The following ACAD10 variants were observed in gnomAD, a reference collection of about 807,000 sequenced individuals.
ACAD10 encodes the protein ACAD-10.
In ACAD10, 112 loss-of-function variants were observed where a neutral mutation model predicts 116.8. That is an observed-to-expected ratio of 0.96 (90% CI 0.82 to 1.12). The LOEUF (loss-of-function observed/expected upper bound fraction) is 1.12, where lower values mean the gene tolerates loss of function less well. Among genes scored for constraint, ACAD10 ranks in the 50% most tolerant of loss-of-function variants. The pLI is 0.00. For missense variants in ACAD10, 1,259 were observed against 1,350.2 expected (o/e 0.93, Z 1.06); for synonymous variants, 486 against 510.6 (o/e 0.95, Z 0.65).
chr12:111,715,931 C>G lies in ACAD10; in HGVS notation c.961C>G (p.Pro321Ala), dbSNP rs935057776. ...GAAGAAGCCCCCAGGGACACTCCTT[C>G]CATCTGCCCATGCCATAGAGAGGGA... ...LRKKPPGTLL[P>A]SAHAIEREFR... Residue 321 changes from proline (P) to alanine (A), a missense_variant, in exon 7 of 21, where the codon CCA (proline) becomes GCA (alanine). Pro to Ala is a conservative substitution (Grantham distance 27). Transcript: ENST00000313698. 1 of 1,614,086 alleles carries G rather than the reference C, an allele frequency of 6.2e-7. No individual in the cohort carries two copies. The highest frequency in any genetic ancestry group is 1.3e-5 in the African/African-American group (1 of 75,042).
At chr12:111,734,646 A>G (rs2135979510) in intron 11 of ACAD10, among the ~76,000 whole-genome samples, 1 of 152,234 alleles carries the variant, frequency 6.6e-6, no homozygotes, top group East Asian at 1.9e-4. Context: ...AACAAACCAC[A>G]TTTATTGTGA....
At chr12:111,748,904 C>T in intron 17 of ACAD10, 1 of 1,126,508 alleles carries the variant, frequency 8.9e-7, no homozygotes, top group East Asian at 2.9e-5. Context: ...TTGTCACAAA[C>T]CACTAGGAGC....
chr12:111,749,720 C>A, intron 18 of ACAD10: 1 of 169,548 alleles, frequency 5.9e-6, no homozygotes, highest in Non-Finnish European at 1.2e-5. Flanking sequence ...TGAAGCCAAG[C>A]ATTTGAGACC....
chr12:111,742,020 G>T (rs1204533050), intron 12 of ACAD10, among the ~76,000 whole-genome samples: 1 of 152,182 alleles, frequency 6.6e-6, no homozygotes, highest in African/African-American at 2.4e-5. Context: ...ATAAGTGGGT[G>T]CAGAAATTAG....
chr12:111,686,897 G>A (rs1593007060), intron 1 of ACAD10, among the ~76,000 whole-genome samples: 1 of 152,184 alleles, frequency 6.6e-6, no homozygotes, highest in East Asian at 1.9e-4. Context: ...CTATGAGGTT[G>A]ACCTACATCA....
At chr12:111,749,089 A>T in intron 17 of ACAD10, 84 bp from the exon 18 acceptor site, 1 of 1,613,662 alleles carries the variant, frequency 6.2e-7, no homozygotes, top group Non-Finnish European at 8.5e-7. Flanking sequence ...TTGCCAGCAG[A>T]TAACCCAGAC....
Position 111,756,464 on chromosome 12 carries a change from C to G in ACAD10, c.3171C>G (p.His1057Gln), listed in dbSNP as rs1350480764. The change falls in exon 21 of 21, where the codon CAC becomes CAG. Residue 1057 changes from histidine (H) to glutamine (Q), a missense_variant. Coordinates refer to ENST00000313698, the MANE Select transcript of ACAD10 (RefSeq NM_025247.6). ...CGGTGGCCAAGCTAGAGCTGAAGCA[C>G]CGCATTTAGAGCCTTGGGGCTGCAG... ...RATVAKLELK[H>Q]RI 1 of 1,612,532 alleles carries G rather than the reference C, an allele frequency of 6.2e-7. No individual in the cohort carries two copies. The highest frequency in any genetic ancestry group is 1.1e-5 in the South Asian group (1 of 90,946).
intron 8 of ACAD10, among the ~76,000 whole-genome samples, chr12:111,724,594 G>C (rs1219173795): frequency 1.3e-5 from 2 of 152,212 alleles, no homozygotes; most frequent in Admixed American, 1.3e-4. Flanking sequence ...CTCGCGGTTA[G>C]GGGCTGGAGA....
rs75857769 is a variant in ACAD10, at chr12:111,731,122, T to C, written c.1394+1166T>C. ...ACATTTCTTTGCCTTCCAAATTTGA[T>C]TGGCCTCTCTTCATTGGCTTGACCG... On this transcript the variant is annotated intron_variant, in intron 10 of 20. Transcript: ENST00000313698. 5.0e-3 allele frequency among the ~76,000 whole-genome samples: 761 copies of C among 152,320 alleles called. 2 individuals carry two copies. Among genetic ancestry groups the C allele is most frequent in the Admixed American group, 8.4e-3 (128 of 15,300 alleles).
chr12:111,704,464 A>G (rs1443414583), intron 3 of ACAD10, among the ~76,000 whole-genome samples: 1 of 151,786 alleles, frequency 6.6e-6, no homozygotes, highest in Non-Finnish European at 1.5e-5. Flanking sequence ...AGTAATGAAA[A>G]TGTCCTAAAA....
At chr12:111,740,798 A>AAAAAG (rs1566164511) in intron 12 of ACAD10, among the ~76,000 whole-genome samples, 44 of 151,114 alleles carry the variant, frequency 2.9e-4, no homozygotes, top group Non-Finnish European at 3.7e-4. Flanking sequence ...AAAAAAAAAA[A>AAAAAG]AAAAGAAAAG....
chr12:111,745,045 T>A lies in ACAD10; in HGVS notation c.2115+2T>A. ...TCCCCACTGATCGAAGACCTCAAGG[T>A]AAAGCAGCCATGGTGAGGTGGTAAG... On this transcript the variant is annotated splice_donor_variant, in intron 13 of 20. Transcript: ENST00000313698. LOFTEE classifies it high-confidence loss of function. 6.2e-7 allele frequency: 1 copy of A among 1,610,424 alleles called. No homozygotes were observed.
At chr12:111,712,358 A>G (rs945981315) in intron 5 of ACAD10, 140 bp from the exon 6 acceptor site, 11 of 758,578 alleles carry the variant, frequency 1.5e-5, no homozygotes, top group Non-Finnish European at 2.2e-5. Context: ...CACCTGTTCA[A>G]TATATATTCT....
At chr12:111,695,960 G>A (rs892864486) in intron 2 of ACAD10, among the ~76,000 whole-genome samples, 3 of 150,914 alleles carry the variant, frequency 2.0e-5, no homozygotes, top group Admixed American at 2.0e-4. Context: ...GTTGCAGTGA[G>A]CTGAGATCAT....
In ACAD10 at chr12:111,746,188, A is replaced by G; in HGVS notation, c.2160A>G (p.Leu720=). The change falls in exon 14 of 21, where the codon TTA becomes TTG. Residue 720 remains leucine (L), a synonymous_variant. Coordinates refer to ENST00000313698, the MANE Select transcript of ACAD10 (RefSeq NM_025247.6). ...GACTTTGGAACCTTTTCCTACCCTT[A>G]GAGGCTGATCCCGAGAAAAAATACG... ...AEGLWNLFLP[L]EADPEKKYGA... is the part of the protein sequence containing the mutation. The G allele has an allele frequency of 6.2e-7, 1 of 1,614,066 alleles. No homozygotes were observed. The highest frequency in any genetic ancestry group is 8.5e-7 in the Non-Finnish European group (1 of 1,180,018).
chr12:111,711,802 G>A (rs965606706), intron 5 of ACAD10, among the ~76,000 whole-genome samples: 3 of 152,052 alleles, frequency 2.0e-5, no homozygotes, highest in South Asian at 2.1e-4. Flanking sequence ...GTGAGCCACC[G>A]CGCCCAGCTA....
chr12:111,720,060 C>T (rs76395881), intron 7 of ACAD10, among the ~76,000 whole-genome samples: 2,371 of 152,118 alleles, frequency 0.016, 70 homozygotes, highest in African/African-American at 0.054. Flanking sequence ...AATGGGGTTT[C>T]GCCGTATTGG....
At chr12:111,707,261 G>C (rs1888539813) in intron 4 of ACAD10, among the ~76,000 whole-genome samples, 2 of 150,436 alleles carry the variant, frequency 1.3e-5, no homozygotes, top group Non-Finnish European at 2.9e-5. Context: ...GCTAGTTTTT[G>C]TGTTTTTTAT....
intron 11 of ACAD10, among the ~76,000 whole-genome samples, chr12:111,735,941 G>A (rs767002873): frequency 1.3e-4 from 20 of 151,870 alleles, no homozygotes; most frequent in Non-Finnish European, 2.9e-4. Context: ...CCACAGTGGC[G>A]CAATCTCGGC....
Sources: gnomAD v4.1 joint callset for allele counts (sites outside exome capture counted in the v4.1 genomes callset) on GRCh38, gnomAD v4.1.1 for gene constraint, MANE v1.5 for transcripts, NCBI Gene and HGNC (gene_info 2026-07-23, HGNC 2026-07-21) for gene names.